The following SLIT3 variants were observed in gnomAD, a reference collection of about 807,000 sequenced individuals.
SLIT3 encodes the protein slit homolog 3 protein.
SLIT3 carries 68 observed loss-of-function variants against 184.0 expected under a neutral mutation model. The observed-to-expected ratio is 0.37, with a 90% confidence interval of 0.30 to 0.45. The LOEUF is 0.45. Ranked by LOEUF, SLIT3 falls within the 20% of genes least tolerant of loss-of-function variation. SLIT3 has a pLI of 1.00. For synonymous variants in SLIT3, 831 were observed against 828.6 expected (o/e 1.00, Z -0.05); for missense variants, 1,707 against 2,026.0 (o/e 0.84, Z 3.02).
intron 3 of SLIT3, among the ~76,000 whole-genome samples, chr5:169,233,027 C>T (rs1581084266): frequency 6.6e-6 from 1 of 152,036 alleles, no homozygotes; most frequent in African/African-American, 2.4e-5. Flanking sequence ...TATATATACA[C>T]ATATATATAT....
chr5:168,800,096 CCTTT>C (rs1743440027), intron 9 of SLIT3, among the ~76,000 whole-genome samples: 1 of 152,212 alleles, frequency 6.6e-6, no homozygotes, highest in Non-Finnish European at 1.5e-5. Context: ...GTTTATTCTT[CCTTT>C]AAGTCATCCT....
intron 26 of SLIT3, among the ~76,000 whole-genome samples, chr5:168,702,252 A>G (rs1430597208): frequency 6.6e-6 from 1 of 152,234 alleles, no homozygotes; most frequent in Admixed American, 6.5e-5. Context: ...TAAGTGTTTT[A>G]TATTCATGAT....
chr5:169,028,747 G>T (rs1413331213), intron 4 of SLIT3, among the ~76,000 whole-genome samples: 1 of 152,160 alleles, frequency 6.6e-6, no homozygotes, highest in Non-Finnish European at 1.5e-5. Flanking sequence ...TTTAATTGAT[G>T]AGTAAAATCC....
intron 3 of SLIT3, among the ~76,000 whole-genome samples, chr5:169,194,639 T>C (rs1028278349): frequency 1.3e-5 from 2 of 152,206 alleles, no homozygotes; most frequent in Non-Finnish European, 1.5e-5. Context: ...CTAACAGTAT[T>C]GTAGACCCTT....
At chr5:169,158,698 T>C (rs572591722) in intron 4 of SLIT3, among the ~76,000 whole-genome samples, 1 of 152,208 alleles carries the variant, frequency 6.6e-6, no homozygotes, top group Admixed American at 6.5e-5. Flanking sequence ...CAAAGGAACA[T>C]AAAGGGAAGT....
intron 6 of SLIT3, among the ~76,000 whole-genome samples, chr5:168,830,629 C>A (rs1329397021): frequency 2.0e-5 from 3 of 152,308 alleles, no homozygotes; most frequent in African/African-American, 7.2e-5. Context: ...CAGCACTAGC[C>A]TGAGCACTTT....
In SLIT3 at chr5:168,907,883, T is replaced by C. The variant is rs1010212363; in HGVS notation, c.414-24547A>G. The stretch of plus-strand genomic sequence containing the variant: ...CTATATCTATAGATACATATAGATA[T>C]ATGATATATATCATATATATATAGA... On this transcript the variant is annotated intron_variant, in intron 4 of 35. Transcript: ENST00000519560. Among the ~76,000 whole-genome samples the C allele has an allele frequency of 4.5e-5, 6 of 134,278 alleles. No homozygotes were observed. The East Asian group carries it at 1.4e-3, about 31-fold the overall frequency. The allele number at this position is 134,278 out of a possible 152,430, so 88.1% of individuals were successfully genotyped here. A position where few individuals can be genotyped will look rare whatever the true frequency, so the allele number is the denominator to read the frequency against.
intron 20 of SLIT3, among the ~76,000 whole-genome samples, chr5:168,740,496 A>T (rs545636547): frequency 2.6e-5 from 4 of 152,316 alleles, no homozygotes; most frequent in Non-Finnish European, 5.9e-5. Context: ...GCCTGAGATA[A>T]CTAATGAGAC....
chr5:168,730,492 A>T (rs1366602007), intron 20 of SLIT3, among the ~76,000 whole-genome samples: 1 of 152,136 alleles, frequency 6.6e-6, no homozygotes, highest in Non-Finnish European at 1.5e-5. Context: ...AACAAGTCTT[A>T]ACACATTAAA....
intron 4 of SLIT3, chr5:169,017,991 A>T (rs1756458434): frequency 6.6e-6 from 1 of 152,232 alleles, no homozygotes; most frequent in Non-Finnish European, 1.5e-5. Flanking sequence ...CTACCCATAC[A>T]TCTCCAAGAA....
chr5:168,714,659 C>T (rs1411020588), intron 23 of SLIT3, among the ~76,000 whole-genome samples: 1 of 152,200 alleles, frequency 6.6e-6, no homozygotes. Flanking sequence ...TCCGCCTACA[C>T]TGCAGGTTCT....
chr5:169,178,036 T>G (rs1235353346), intron 4 of SLIT3, among the ~76,000 whole-genome samples: 1 of 152,222 alleles, frequency 6.6e-6, no homozygotes, highest in Non-Finnish European at 1.5e-5. Flanking sequence ...GTGGAGGCAG[T>G]CCTAGTGCTT....
intron 4 of SLIT3, among the ~76,000 whole-genome samples, chr5:168,952,389 A>C (rs966024150): frequency 6.6e-6 from 1 of 152,124 alleles, no homozygotes; most frequent in Non-Finnish European, 1.5e-5. Context: ...TTTACATTTC[A>C]GGCTGATTGT....
chr5:169,017,097 C>G (rs1172558435), intron 4 of SLIT3, among the ~76,000 whole-genome samples: 2 of 152,190 alleles, frequency 1.3e-5, no homozygotes, highest in African/African-American at 4.8e-5. Flanking sequence ...TAACTCAGCA[C>G]TTTGTGTGAC....
At chr5:168,781,149 G>T (rs1218557937) in intron 12 of SLIT3, among the ~76,000 whole-genome samples, 1 of 152,220 alleles carries the variant, frequency 6.6e-6, no homozygotes, top group Non-Finnish European at 1.5e-5. Context: ...TGAAAAACAA[G>T]ACCTCTTTCT....
At chr5:169,218,901 C>T (rs1422144538) in intron 3 of SLIT3, among the ~76,000 whole-genome samples, 1 of 152,180 alleles carries the variant, frequency 6.6e-6, no homozygotes, top group Non-Finnish European at 1.5e-5. Flanking sequence ...TGCCACCAAC[C>T]CAGCCACGGT....
chr5:168,754,192 A>G (rs918784934), intron 16 of SLIT3, among the ~76,000 whole-genome samples, 185 bp from the exon 17 acceptor site: 2 of 152,188 alleles, frequency 1.3e-5, no homozygotes, highest in African/African-American at 4.8e-5. Flanking sequence ...CCCAGGGAGC[A>G]GGGACCCTGG....
intron 4 of SLIT3, among the ~76,000 whole-genome samples, chr5:168,946,714 G>C (rs934688487): frequency 1.3e-5 from 2 of 152,106 alleles, no homozygotes; most frequent in African/African-American, 2.4e-5. Context: ...GGGGTCTTTC[G>C]ACACCGGACA....
At chr5:168,975,933 G>A (rs536889357) in intron 4 of SLIT3, among the ~76,000 whole-genome samples, 10 of 152,122 alleles carry the variant, frequency 6.6e-5, no homozygotes, top group Non-Finnish European at 1.3e-4. Flanking sequence ...TAACTTCTAC[G>A]ATCAACTCTA....
Sources: gnomAD v4.1 joint callset for allele counts (sites outside exome capture counted in the v4.1 genomes callset) on GRCh38, gnomAD v4.1.1 for gene constraint, MANE v1.5 for transcripts, NCBI Gene and HGNC (gene_info 2026-07-23, HGNC 2026-07-21) for gene names.